Variants in ELFN1 observed in about 807,000 individuals in gnomAD.
The protein encoded by ELFN1 is extracellular leucine rich repeat and fibronectin type III domain containing 1.
Under a neutral mutation model 7.6 loss-of-function variants are expected in ELFN1, and 6 were observed. The ratio of observed to expected loss-of-function variants is 0.79; its 90% CI spans 0.43 to 1.56. The LOEUF (loss-of-function observed/expected upper bound fraction) is 1.56. Among genes scored for constraint, ELFN1 ranks in the 40% most tolerant of loss-of-function variants. ELFN1 has a pLI of 0.01. For missense variants in ELFN1, 1,169 were observed against 1,232.2 expected (o/e 0.95, Z 0.77); for synonymous variants, 657 against 588.1 (o/e 1.12, Z -1.70).
chr7:1,676,566 C>T (rs1297497927), intron 1 of ELFN1, among the ~76,000 whole-genome samples: 3 of 152,248 alleles, frequency 2.0e-5, no homozygotes, highest in Admixed American at 6.5e-5. Flanking sequence ...CAGAATCCCC[C>T]GCCCTTCTGA....
At position 1,670,317 on chromosome 7, in the gene ELFN1, C is replaced by T. The variant is rs1778738311; in HGVS notation, c.-586C>T. On this transcript the variant is annotated 5_prime_UTR_variant, in exon 1 of 4. Coordinates refer to ENST00000424383, the MANE Select transcript of ELFN1 (RefSeq NM_001128636.4). The surrounding 1 kb of genome is among the most constrained non-coding windows in gnomAD (Gnocchi z 6.4). Reference sequence around the variant, plus strand: ...GTTAGAGCTTGAAGGACGGCGGCGGCTGCGGGCGCAGCCCCGGAACCGAGG... The same window carrying T: ...GTTAGAGCTTGAAGGACGGCGGCGGTTGCGGGCGCAGCCCCGGAACCGAGG... 6.6e-6 allele frequency among the ~76,000 whole-genome samples: 1 copy of T among 151,664 alleles called. No individual in the cohort carries two copies. The highest frequency in any genetic ancestry group is 2.4e-5 in the African/African-American group (1 of 41,322).
At chr7:1,702,487 T>C (rs1286650375) in intron 2 of ELFN1, among the ~76,000 whole-genome samples, 1 of 150,792 alleles carries the variant, frequency 6.6e-6, no homozygotes, top group Non-Finnish European at 1.5e-5. Context: ...TTAGTGACAT[T>C]CTTGGCCTTT....
intron 3 of ELFN1, among the ~76,000 whole-genome samples, chr7:1,711,934 G>A (rs1779668761): frequency 6.6e-6 from 1 of 152,250 alleles, no homozygotes; most frequent in South Asian, 2.1e-4. Context: ...CCACGTTGCG[G>A]CAGAGAGAAC....
chr7:1,703,831 G>A (rs998810678), intron 2 of ELFN1, among the ~76,000 whole-genome samples: 1 of 152,198 alleles, frequency 6.6e-6, no homozygotes, highest in African/African-American at 2.4e-5. Flanking sequence ...GGAGGTCTCT[G>A]TGTATGTTTG....
intron 3 of ELFN1, among the ~76,000 whole-genome samples, chr7:1,723,358 C>T (rs922145014): frequency 5.3e-5 from 8 of 152,296 alleles, no homozygotes; most frequent in Admixed American, 1.3e-4. Context: ...TTTGTACAAA[C>T]GCCTATGTAA....
At chr7:1,696,436 G>C (rs1779315623) in intron 2 of ELFN1, among the ~76,000 whole-genome samples, 1 of 150,546 alleles carries the variant, frequency 6.6e-6, no homozygotes, top group African/African-American at 2.4e-5. Context: ...CTGTCACCCG[G>C]GCTGGAGTGC....
rs576915258 is a variant in ELFN1, at chr7:1,699,979, C to T, written c.-455-9112C>T. Reference sequence around the variant, plus strand: ...CCTCCCAAAGTGCTGGGATTACAGGCGTGAGCCCCCGTGCCCGGCCTCATC... The same window carrying T: ...CCTCCCAAAGTGCTGGGATTACAGGTGTGAGCCCCCGTGCCCGGCCTCATC... On this transcript the variant is annotated intron_variant, in intron 2 of 3. Transcript: ENST00000424383. 1.6e-4 allele frequency among the ~76,000 whole-genome samples: 24 copies of T among 152,342 alleles called. No individual in the cohort carries two copies. The South Asian group carries it at 4.1e-3, about 26-fold the overall frequency.
chr7:1,744,611 G>A lies in ELFN1; in HGVS notation c.15G>A (p.Gly5=). 6.5e-7 allele frequency: 1 copy of A among 1,535,536 alleles called. No homozygotes were observed. Among genetic ancestry groups the A allele is most frequent in the Non-Finnish European group, 8.8e-7 (1 of 1,140,338 alleles). MAGR[G]WGALWVCVAA... is the part of the protein sequence containing the mutation. ...GGGCGGTCCCGATGGCCGGGCGTGG[G>A]TGGGGCGCGCTGTGGGTGTGCGTGG... Residue 5 remains glycine, a synonymous_variant, in exon 4 of 4, where the codon GGG becomes GGA. Coordinates refer to ENST00000424383, the MANE Select transcript of ELFN1 (RefSeq NM_001128636.4).
At chr7:1,731,991 C>T (rs1780334730) in intron 3 of ELFN1, among the ~76,000 whole-genome samples, 1 of 152,218 alleles carries the variant, frequency 6.6e-6, no homozygotes, top group Admixed American at 6.5e-5. Flanking sequence ...TAATATTTCC[C>T]TGAATTCATT....
chr7:1,720,003 C>G (rs1432955673), intron 3 of ELFN1, among the ~76,000 whole-genome samples: 1 of 152,072 alleles, frequency 6.6e-6, no homozygotes, highest in Non-Finnish European at 1.5e-5. Flanking sequence ...AACCCTCCCC[C>G]ACCATCTCCT....
At chr7:1,721,976 T>C (rs911647645) in intron 3 of ELFN1, among the ~76,000 whole-genome samples, 1 of 152,198 alleles carries the variant, frequency 6.6e-6, no homozygotes. Flanking sequence ...TTCTGGGGTG[T>C]GTACATCCCA....
chr7:1,681,795 G>T (rs1474361764), intron 1 of ELFN1, among the ~76,000 whole-genome samples: 1 of 152,178 alleles, frequency 6.6e-6, no homozygotes. Flanking sequence ...ATCTTCAGGC[G>T]GATGTGTAAT....
At chr7:1,683,326 A>G (rs945910017) in intron 1 of ELFN1, among the ~76,000 whole-genome samples, 5 of 151,928 alleles carry the variant, frequency 3.3e-5, no homozygotes, top group African/African-American at 1.2e-4. Flanking sequence ...GTTATGTCTT[A>G]GTTTAGTTTT....
chr7:1,725,008 G>A (rs1302431997), intron 3 of ELFN1, among the ~76,000 whole-genome samples: 2 of 152,226 alleles, frequency 1.3e-5, no homozygotes, highest in African/African-American at 2.4e-5. Flanking sequence ...CCTGTGGGGA[G>A]GGGCACAGCC....
chr7:1,667,626 C>T (rs542717401), upstream of ELFN1, among the ~76,000 whole-genome samples: 5 of 152,330 alleles, frequency 3.3e-5, no homozygotes, highest in East Asian at 7.8e-4. This position sits in a 1 kb window ranked among gnomAD's most constrained non-coding sequence, Gnocchi z 8.2. Flanking sequence ...CTTCTTCCTG[C>T]CTCGGTGTCT....
At position 1,705,889 on chromosome 7, in the gene ELFN1, G is replaced by C. The variant is rs997279187; in HGVS notation, c.-455-3202G>C. On this transcript the variant is annotated intron_variant, in intron 2 of 3. Coordinates refer to ENST00000424383, the MANE Select transcript of ELFN1 (RefSeq NM_001128636.4). The surrounding 1 kb of genome is among the most constrained non-coding windows in gnomAD (Gnocchi z 4.3). Reference sequence around the variant, plus strand: ...TAGCTTTGACCCCTCCAGCCCAGTGGTCTCTGAGGTTCCCCAGCCTGCGGT... The same window carrying C: ...TAGCTTTGACCCCTCCAGCCCAGTGCTCTCTGAGGTTCCCCAGCCTGCGGT... Among the ~76,000 whole-genome samples the C allele has an allele frequency of 1.3e-5, 2 of 152,286 alleles. No individual in the cohort carries two copies. Among genetic ancestry groups the C allele is most frequent in the African/African-American group, 4.8e-5 (2 of 41,568 alleles).
upstream of ELFN1, among the ~76,000 whole-genome samples, chr7:1,669,865 CCCCACCCACCCA>C (rs1160350932): frequency 4.0e-4 from 54 of 135,364 alleles, 1 homozygote; most frequent in East Asian, 2.3e-3. Context: ...CCCCCACTCC[CCCCACCCACCCA>C]CCCACCCCCT....
intron 2 of ELFN1, among the ~76,000 whole-genome samples, chr7:1,708,365 G>A (rs1172604177): frequency 6.6e-6 from 1 of 152,248 alleles, no homozygotes; most frequent in East Asian, 1.9e-4. Context: ...TCCAGTGGGT[G>A]GACGAATGAC....
At chr7:1,681,847 A>C (rs1356925803) in intron 1 of ELFN1, among the ~76,000 whole-genome samples, 1 of 152,234 alleles carries the variant, frequency 6.6e-6, no homozygotes, top group Non-Finnish European at 1.5e-5. Flanking sequence ...CGAATGACCG[A>C]TGAAGTTGAA....
Sources: allele counts gnomAD v4.1 joint callset (sites outside exome capture counted in the v4.1 genomes callset), GRCh38; gene constraint gnomAD v4.1.1; non-coding constraint Gnocchi (gnomAD v3.1); transcripts MANE v1.5; gene names NCBI Gene and HGNC (gene_info 2026-07-23, HGNC 2026-07-21).